SLC23A2: variants seen among roughly 807,000 people sequenced by gnomAD.
The protein encoded by SLC23A2 is Na(+)/L-ascorbic acid transporter 2.
In SLC23A2, 36 loss-of-function variants were observed where a neutral mutation model predicts 73.3. That is an observed-to-expected ratio of 0.49 (90% CI 0.38 to 0.65). SLC23A2 has a LOEUF of 0.65. SLC23A2 is among the 30% of genes least tolerant of loss of function. The pLI, the probability that SLC23A2 is intolerant of heterozygous loss-of-function variation, is 0.00. For missense variants in SLC23A2, 507 were observed against 841.6 expected, an observed-to-expected ratio of 0.60 and a Z score of 4.92; for synonymous variants, 343 against 327.3, an observed-to-expected ratio of 1.05 and a Z score of -0.52.
At chr20:4,909,158 G>A (rs1168278973) in intron 4 of SLC23A2, among the ~76,000 whole-genome samples, 3 of 152,176 alleles carry the variant, frequency 2.0e-5, no homozygotes, top group Non-Finnish European at 4.4e-5. Flanking sequence ...TATACATACA[G>A]GTTGAAAATG....
chr20:4,899,707 G>A lies in SLC23A2; in HGVS notation c.330C>T (p.Tyr110=), dbSNP rs1256382525. The change falls in exon 6 of 17, where the codon TAC becomes TAT. Residue 110 remains tyrosine, a synonymous_variant. Coordinates refer to ENST00000338244, the MANE Select transcript of SLC23A2 (RefSeq NM_005116.6). This position sits in a 1 kb window ranked among gnomAD's most constrained non-coding sequence, Gnocchi z 4.9. ...CGATCGTGCCGCTGAAGCATGTCAGGTAGTGCTGTGGGCAGGAAAAGGGTC... is the reference window on the plus strand; with the variant it reads ...CGATCGTGCCGCTGAAGCATGTCAGATAGTGCTGTGGGCAGGAAAAGGGTC... ...YLCIFLGLQH[Y]LTCFSGTIAV... The A allele has an allele frequency of 2.5e-6, 4 of 1,613,988 alleles. No individual in the cohort carries two copies. The highest frequency in any genetic ancestry group is 3.4e-6 in the Non-Finnish European group (4 of 1,179,970).
chr20:4,914,131 A>G (rs1932248363), intron 3 of SLC23A2, among the ~76,000 whole-genome samples: 1 of 151,572 alleles, frequency 6.6e-6, no homozygotes, highest in South Asian at 2.1e-4. Context: ...ACTAAAAGCA[A>G]GCAGAAGACA....
At chr20:4,984,909 C>T (rs1484604351) in intron 1 of SLC23A2, among the ~76,000 whole-genome samples, 4 of 152,108 alleles carry the variant, frequency 2.6e-5, no homozygotes, top group Admixed American at 6.5e-5. Context: ...GAGGCCAATG[C>T]GGGCGGATCA....
At chr20:4,953,599 T>C (rs531785765) in intron 2 of SLC23A2, among the ~76,000 whole-genome samples, 5 of 152,090 alleles carry the variant, frequency 3.3e-5, no homozygotes, top group African/African-American at 1.2e-4. Flanking sequence ...CATCAAAAAA[T>C]AAATGCCAGC....
chr20:4,993,128 C>A (rs1011328646), intron 1 of SLC23A2, among the ~76,000 whole-genome samples: 16 of 151,604 alleles, frequency 1.1e-4, no homozygotes, highest in Middle Eastern at 3.4e-3. Flanking sequence ...AACACACACA[C>A]AAAAAATTAG....
chr20:4,896,426 AG>A (rs1394023833), intron 6 of SLC23A2, among the ~76,000 whole-genome samples: 4 of 151,508 alleles, frequency 2.6e-5, no homozygotes, highest in African/African-American at 9.8e-5. Context: ...TCACAGCAAA[AG>A]CCCCCCTCAG....
At chr20:4,879,696 T>TA (rs970458452) in intron 9 of SLC23A2, among the ~76,000 whole-genome samples, 7 of 151,274 alleles carry the variant, frequency 4.6e-5, no homozygotes, top group South Asian at 2.1e-4. Flanking sequence ...ATTTAACAAA[T>TA]AAAAAAAAAC....
At chr20:4,957,891 A>C in intron 2 of SLC23A2, among the ~76,000 whole-genome samples, 2 of 140,954 alleles carry the variant, frequency 1.4e-5, no homozygotes, top group East Asian at 2.0e-4. Flanking sequence ...ACAGAGTGAG[A>C]CTCCATCTCA....
At chr20:4,963,074 C>G (rs1051882802) in intron 2 of SLC23A2, among the ~76,000 whole-genome samples, 4 of 152,122 alleles carry the variant, frequency 2.6e-5, no homozygotes, top group Non-Finnish European at 5.9e-5. Flanking sequence ...GGCTGGAGGA[C>G]ACAGCCTGCT....
intron 8 of SLC23A2, among the ~76,000 whole-genome samples, chr20:4,884,097 T>C (rs1931002405): frequency 6.6e-6 from 1 of 152,098 alleles, no homozygotes; most frequent in Admixed American, 6.6e-5. Flanking sequence ...CAGGCAAAAA[T>C]TTATAATTCC....
intron 6 of SLC23A2, among the ~76,000 whole-genome samples, chr20:4,897,906 G>C (rs564698553): frequency 6.6e-6 from 1 of 152,336 alleles, no homozygotes; most frequent in South Asian, 2.1e-4. Flanking sequence ...TTCACAGAGG[G>C]ATTATGCCTA....
intron 2 of SLC23A2, among the ~76,000 whole-genome samples, chr20:4,946,592 AGTCCAGC>A (rs1472765605): frequency 1.3e-5 from 2 of 152,234 alleles, no homozygotes; most frequent in African/African-American, 4.8e-5. Flanking sequence ...AGATCCCTTC[AGTCCAGC>A]CCAAAGACTT....
At chr20:4,963,191 G>A (rs1383227088) in intron 2 of SLC23A2, among the ~76,000 whole-genome samples, 1 of 152,074 alleles carries the variant, frequency 6.6e-6, no homozygotes, top group African/African-American at 2.4e-5. Context: ...TTCACTCTTT[G>A]CTATTCTCCC....
intron 11 of SLC23A2, among the ~76,000 whole-genome samples, chr20:4,871,470 A>G (rs1930445164): frequency 1.3e-5 from 2 of 152,188 alleles, no homozygotes; most frequent in Admixed American, 1.3e-4. Context: ...TGCAGGGCAC[A>G]GGGCAGGAGG....
chr20:4,987,419 C>A (rs948222975), intron 1 of SLC23A2, among the ~76,000 whole-genome samples: 2 of 152,062 alleles, frequency 1.3e-5, no homozygotes, highest in African/African-American at 4.8e-5. Flanking sequence ...CTCCTCGCAG[C>A]AAGAAATCTG....
At chr20:4,936,124 C>A (rs1220298551) in intron 2 of SLC23A2, among the ~76,000 whole-genome samples, 6 of 152,110 alleles carry the variant, frequency 3.9e-5, no homozygotes, top group Non-Finnish European at 7.3e-5. Flanking sequence ...GTTTGTGTAG[C>A]CAAATCCATC....
At chr20:4,888,087 C>T (rs914248662) in intron 6 of SLC23A2, among the ~76,000 whole-genome samples, 2 of 152,204 alleles carry the variant, frequency 1.3e-5, no homozygotes, top group Non-Finnish European at 2.9e-5. Flanking sequence ...CCAGGTGGGT[C>T]TCCCTAGGCC....
At chr20:4,985,861 C>T (rs1055076353) in intron 1 of SLC23A2, among the ~76,000 whole-genome samples, 1 of 152,070 alleles carries the variant, frequency 6.6e-6, no homozygotes, top group Admixed American at 6.6e-5. Flanking sequence ...GGAGAGTAAC[C>T]ACTAATGACA....
chr20:4,888,043 G>A (rs1444668099), intron 6 of SLC23A2, among the ~76,000 whole-genome samples: 2 of 152,216 alleles, frequency 1.3e-5, no homozygotes, highest in Non-Finnish European at 2.9e-5. Context: ...CACGGCCCCT[G>A]TCGTACTCAT....
Sources: gnomAD v4.1 joint callset for allele counts (sites outside exome capture counted in the v4.1 genomes callset) on GRCh38, gnomAD v4.1.1 for gene constraint, Gnocchi (gnomAD v3.1) non-coding constraint, MANE v1.5 for transcripts, NCBI Gene and HGNC (gene_info 2026-07-23, HGNC 2026-07-21) for gene names.